Variants in RHOBTB3 observed in about 807,000 individuals in gnomAD.
The protein encoded by RHOBTB3 is rho-related BTB domain-containing protein 3.
RHOBTB3 carries 47 observed loss-of-function variants against 67.2 expected under a neutral mutation model. The ratio of observed to expected loss-of-function variants is 0.70; its 90% confidence interval spans 0.55 to 0.89. The LOEUF is 0.89. Ranked by LOEUF, RHOBTB3 falls within the 40% of genes least tolerant of loss-of-function variation. RHOBTB3 has a pLI of 0.00. For missense variants in RHOBTB3, 631 were observed against 750.0 expected, an observed-to-expected ratio of 0.84 and a Z score of 1.85; for synonymous variants, 273 against 274.2, an observed-to-expected ratio of 1.00 and a Z score of 0.04.
At position 95,731,429 on chromosome 5, in the gene RHOBTB3, C is replaced by T; in HGVS notation, c.-254C>T. ...TGGGGCTGTGCGGCGGTCCCGCGCCCGGCGATGTTCCCGGGCACTCCCTGA... is the reference window on the plus strand; with the variant it reads ...TGGGGCTGTGCGGCGGTCCCGCGCCTGGCGATGTTCCCGGGCACTCCCTGA... On this transcript the variant is annotated 5_prime_UTR_variant, in exon 1 of 12. Coordinates refer to ENST00000379982, the MANE Select transcript of RHOBTB3 (RefSeq NM_014899.4). 1 of 1,197,060 alleles carries T rather than the reference C, an allele frequency of 8.4e-7. No individual in the cohort carries two copies. The highest frequency in any genetic ancestry group is 1.0e-6 in the Non-Finnish European group (1 of 968,388). The allele number at this position is 1,197,060 out of a possible 1,614,324, so 74.2% of individuals were successfully genotyped here.
At chr5:95,756,813 T>TA (rs1388051695) in intron 6 of RHOBTB3, among the ~76,000 whole-genome samples, 1 of 152,214 alleles carries the variant, frequency 6.6e-6, no homozygotes, top group Non-Finnish European at 1.5e-5. Flanking sequence ...AATCTACTTG[T>TA]AAAAACCATA....
At chr5:95,747,883 A>T (rs1744966821) in intron 3 of RHOBTB3, among the ~76,000 whole-genome samples, 1 of 152,244 alleles carries the variant, frequency 6.6e-6, no homozygotes, top group South Asian at 2.1e-4. Flanking sequence ...CTGTTACAAT[A>T]GAAGTGTAAG....
At chr5:95,791,273 TAAA>T (rs1322201875) in intron 11 of RHOBTB3, among the ~76,000 whole-genome samples, 1 of 152,180 alleles carries the variant, frequency 6.6e-6, no homozygotes, top group Admixed American at 6.5e-5. Context: ...AGAACCCAGT[TAAA>T]TAGGTCATTA....
intron 5 of RHOBTB3, among the ~76,000 whole-genome samples, chr5:95,754,859 CTG>C (rs1195289542): frequency 6.6e-6 from 1 of 152,190 alleles, no homozygotes; most frequent in Non-Finnish European, 1.5e-5. Flanking sequence ...AGCCTTGACT[CTG>C]AGAAGTTGCA....
chr5:95,764,402 G>T (rs1288414502), intron 7 of RHOBTB3, among the ~76,000 whole-genome samples: 2 of 152,138 alleles, frequency 1.3e-5, no homozygotes, highest in Non-Finnish European at 2.9e-5. Flanking sequence ...GACAGTTAAG[G>T]ATGATCTCAT....
At chr5:95,749,366 G>A (rs970269598) in intron 4 of RHOBTB3, among the ~76,000 whole-genome samples, 1 of 152,194 alleles carries the variant, frequency 6.6e-6, no homozygotes, top group Non-Finnish European at 1.5e-5. Context: ...TTCCACAGAT[G>A]ACTACAGAAA....
chr5:95,793,992 C>G lies in RHOBTB3; in HGVS notation c.*818C>G, dbSNP rs991974425. ...GTGGGAAATATCCTATGTTTTCTTG[C>G]TCAAACACCTTTCTCTCTGAAAGCA... is the stretch of plus-strand genomic sequence containing the variant. On this transcript the variant is annotated 3_prime_UTR_variant, in exon 12 of 12. Coordinates refer to ENST00000379982, the MANE Select transcript of RHOBTB3 (RefSeq NM_014899.4). 2.9e-5 allele frequency: 13 copies of G among 456,056 alleles called. No individual in the cohort carries two copies. Among genetic ancestry groups the G allele is most frequent in the African/African-American group, 2.2e-4 (11 of 50,058 alleles). The allele number at this position is 456,056 out of a possible 1,614,324, so 28.3% of individuals were successfully genotyped here. A position where few individuals can be genotyped will look rare whatever the true frequency, so the allele number is the denominator to read the frequency against.
chr5:95,785,036 T>C (rs1432340629), intron 10 of RHOBTB3, among the ~76,000 whole-genome samples: 2 of 152,210 alleles, frequency 1.3e-5, no homozygotes, highest in Non-Finnish European at 2.9e-5. Context: ...ACGTCCAGGG[T>C]TACAAAAGCA....
chr5:95,745,637 G>A (rs945950468), intron 3 of RHOBTB3, among the ~76,000 whole-genome samples: 12 of 151,826 alleles, frequency 7.9e-5, no homozygotes, highest in African/African-American at 2.9e-4. Flanking sequence ...GAGTTACATT[G>A]TGCTTGCTTT....
chr5:95,749,071 A>G (rs1580404489), intron 4 of RHOBTB3, among the ~76,000 whole-genome samples: 1 of 152,254 alleles, frequency 6.6e-6, no homozygotes, highest in African/African-American at 2.4e-5. Context: ...ATGTTAACAC[A>G]TAGCACCTCC....
chr5:95,757,032 T>C (rs1422926975), intron 6 of RHOBTB3, among the ~76,000 whole-genome samples: 1 of 152,214 alleles, frequency 6.6e-6, no homozygotes, highest in Non-Finnish European at 1.5e-5. Flanking sequence ...TGCATTCAGC[T>C]TACGGACTGG....
intron 4 of RHOBTB3, among the ~76,000 whole-genome samples, chr5:95,749,564 A>T (rs1745030900): frequency 6.6e-6 from 1 of 152,210 alleles, no homozygotes; most frequent in Non-Finnish European, 1.5e-5. Flanking sequence ...ATTTATAGTG[A>T]TGAGCAGTGA....
intron 10 of RHOBTB3, among the ~76,000 whole-genome samples, chr5:95,785,118 GCTGA>G (rs1339412444): frequency 6.6e-6 from 1 of 152,200 alleles, no homozygotes; most frequent in Non-Finnish European, 1.5e-5. Context: ...ATCTGTGACA[GCTGA>G]ATGCTTGCCT....
intron 11 of RHOBTB3, among the ~76,000 whole-genome samples, chr5:95,791,930 A>G (rs1343061874): frequency 6.6e-6 from 1 of 152,170 alleles, no homozygotes; most frequent in Non-Finnish European, 1.5e-5. Flanking sequence ...CTGGGAATGC[A>G]GCCCAGTAGG....
intron 7 of RHOBTB3, among the ~76,000 whole-genome samples, chr5:95,766,116 G>C (rs1446055182): frequency 6.6e-6 from 1 of 151,934 alleles, no homozygotes; most frequent in Non-Finnish European, 1.5e-5. Context: ...TTGCCTCTCT[G>C]TTTTGCTTAT....
intron 5 of RHOBTB3, among the ~76,000 whole-genome samples, chr5:95,753,177 A>G (rs895283650): frequency 6.6e-6 from 1 of 151,322 alleles, no homozygotes; most frequent in African/African-American, 2.4e-5. Context: ...AAGGATCCTG[A>G]TATCTGCAAC....
intron 4 of RHOBTB3, among the ~76,000 whole-genome samples, chr5:95,749,803 C>T (rs1745037097): frequency 1.3e-5 from 2 of 152,196 alleles, no homozygotes; most frequent in South Asian, 4.1e-4. Flanking sequence ...CCCTTGGAAG[C>T]CACAGGTCTC....
intron 11 of RHOBTB3, chr5:95,789,228 A>G (rs1423794299): frequency 5.8e-6 from 1 of 173,110 alleles, no homozygotes; most frequent in Non-Finnish European, 1.2e-5. Context: ...GTACAGATTT[A>G]AAAATTTTTT....
At chr5:95,767,920 A>T (rs768852505) in intron 7 of RHOBTB3, 126 bp from the exon 8 acceptor site, 1 of 901,346 alleles carries the variant, frequency 1.1e-6, no homozygotes, top group Non-Finnish European at 1.8e-6. Context: ...GTGATCAGAG[A>T]TGTCATAGAG....
Sources: gnomAD v4.1 joint callset for allele counts (sites outside exome capture counted in the v4.1 genomes callset) on GRCh38, gnomAD v4.1.1 for gene constraint, MANE v1.5 for transcripts, NCBI Gene and HGNC (gene_info 2026-07-23, HGNC 2026-07-21) for gene names.